The following PPL variants were observed in gnomAD, a reference collection of about 807,000 sequenced individuals.
PPL encodes the protein periplakin, also known as 190 kDa paraneoplastic pemphigus antigen.
PPL carries 198 observed loss-of-function variants against 194.4 expected under a neutral mutation model. The ratio of observed to expected loss-of-function variants is 1.02; its 90% CI spans 0.91 to 1.15. The LOEUF (loss-of-function observed/expected upper bound fraction) is 1.15, where lower values mean the gene tolerates loss of function less well. PPL is among the 50% of genes most tolerant of loss of function. The pLI is 0.00. For missense variants in PPL, 2,885 were observed against 2,294.8 expected (o/e 1.26, Z -5.25); for synonymous variants, 1,220 against 972.4 (o/e 1.25, Z -4.74).
intron 1 of PPL, among the ~76,000 whole-genome samples, chr16:4,932,848 C>T (rs893827500): frequency 2.0e-5 from 3 of 152,132 alleles, no homozygotes; most frequent in East Asian, 3.9e-4. Context: ...CCAGCAGCCT[C>T]ACCAACTGGG....
chr16:4,887,678 C>G (rs186981768), intron 20 of PPL, among the ~76,000 whole-genome samples: 154 of 152,266 alleles, frequency 1.0e-3, no homozygotes, highest in African/African-American at 3.2e-3. Context: ...TTGTAGCTCA[C>G]TGCAGCCTTG....
In PPL at chr16:4,893,322, A is replaced by G. The variant is rs764344015; in HGVS notation, c.1541T>C (p.Val514Ala). 9.9e-6 allele frequency: 16 copies of G among 1,608,258 alleles called. No individual in the cohort carries two copies. The East Asian group carries it at 3.6e-4, about 36-fold the overall frequency. ...GRQLLAGLDK[V>A]ASDLDRQEKA... The stretch of plus-strand genomic sequence containing the variant: ...CTCCTGCCGGTCCAGGTCGCTGGCC[A>G]CCTTGTCCAAGCCAGCCAGCAGCTG... The change falls in exon 14 of 22, where the codon GTG becomes GCG. Residue 514 changes from valine (V) to alanine (A), a missense_variant. Val to Ala is a moderately conservative substitution (Grantham distance 64). Transcript: ENST00000345988.
intron 1 of PPL, among the ~76,000 whole-genome samples, chr16:4,929,259 C>G (rs749142930): frequency 6.6e-6 from 1 of 151,906 alleles, no homozygotes; most frequent in Admixed American, 6.6e-5. Flanking sequence ...CCATTTTTGT[C>G]TCCCCATCCA....
chr16:4,884,695 C>T lies in PPL; in HGVS notation c.3960G>A (p.Lys1320=). Residue 1320 remains lysine (K), a synonymous_variant, in exon 22 of 22, where the codon AAG becomes AAA. Transcript: ENST00000345988. This position sits in a 1 kb window ranked among gnomAD's most constrained non-coding sequence, Gnocchi z 5.7. ...SLRAKLSEEQ[K]KQVDLERERA... ...TTTCCCTCTCCAGATCCACTTGTTTCTTCTGCTCCTCTGAGAGCTTTGCCC... is the reference window on the plus strand; with the variant it reads ...TTTCCCTCTCCAGATCCACTTGTTTTTTCTGCTCCTCTGAGAGCTTTGCCC... 6.2e-7 allele frequency: 1 copy of T among 1,614,150 alleles called. No individual in the cohort carries two copies. The highest frequency in any genetic ancestry group is 8.5e-7 in the Non-Finnish European group (1 of 1,180,034).
Position 4,884,932 on chromosome 16 carries a change from G to A in PPL, c.3723C>T (p.Asp1241=). 6.2e-7 allele frequency: 1 copy of A among 1,614,098 alleles called. No homozygotes were observed. The highest frequency in any genetic ancestry group is 8.5e-7 in the Non-Finnish European group (1 of 1,180,026). ...VTKEVIKYKT[D]PEMEKELQRL... is the part of the protein sequence containing the mutation. ...GCTGAAGCTCCTTCTCCATCTCAGG[G>A]TCAGTCTTGTACTTAATGACTTCCT... Residue 1241 remains aspartate, a synonymous_variant, in exon 22 of 22, where the codon GAC becomes GAT. Coordinates refer to ENST00000345988, the MANE Select transcript of PPL (RefSeq NM_002705.5). This position sits in a 1 kb window ranked among gnomAD's most constrained non-coding sequence, Gnocchi z 5.7.
chr16:4,911,083 G>T, intron 1 of PPL, 134 bp from the exon 2 acceptor site: 4 of 630,818 alleles, frequency 6.3e-6, no homozygotes, highest in Admixed American at 2.6e-5. Context: ...CTTTGAGGTA[G>T]TTGGGCTGTT....
intron 14 of PPL, 47 bp from the exon 15 acceptor site, chr16:4,892,260 C>T: frequency 6.3e-7 from 1 of 1,577,004 alleles, no homozygotes; most frequent in Non-Finnish European, 8.6e-7. Context: ...CAGGCAGCCC[C>T]TTCCCCTGAG....
At chr16:4,916,578 T>G (rs2088920871) in intron 1 of PPL, among the ~76,000 whole-genome samples, 1 of 152,044 alleles carries the variant, frequency 6.6e-6, no homozygotes, top group African/African-American at 2.4e-5. Flanking sequence ...CAATCTTAGC[T>G]CACTGCAGCC....
At chr16:4,917,377 T>C (rs1179180150) in intron 1 of PPL, among the ~76,000 whole-genome samples, 1 of 152,146 alleles carries the variant, frequency 6.6e-6, no homozygotes, top group Non-Finnish European at 1.5e-5. Flanking sequence ...ACCTCGAGAA[T>C]GTTATGCTCA....
chr16:4,925,423 C>T (rs947388452), intron 1 of PPL, among the ~76,000 whole-genome samples: 3 of 152,196 alleles, frequency 2.0e-5, no homozygotes, highest in Non-Finnish European at 4.4e-5. Flanking sequence ...GCCCAGCGAC[C>T]GCTCAGTCCT....
intron 6 of PPL, among the ~76,000 whole-genome samples, chr16:4,900,339 A>G (rs1435294652): frequency 6.6e-6 from 1 of 151,740 alleles, no homozygotes; most frequent in Non-Finnish European, 1.5e-5. Flanking sequence ...TTTTCCCTGA[A>G]CAACCAGGGC....
At chr16:4,927,906 G>A (rs1314898746) in intron 1 of PPL, among the ~76,000 whole-genome samples, 2 of 152,182 alleles carry the variant, frequency 1.3e-5, no homozygotes, top group Admixed American at 6.5e-5. Flanking sequence ...CTTGAAGACA[G>A]GGCAACACAG....
At position 4,898,310 on chromosome 16, in the gene PPL, G is replaced by A. The variant is rs58595457; in HGVS notation, c.877-540C>T. Reference sequence around the variant, plus strand: ...GGAGAATTGCTTGAACCCGGGAGGTGGAGGTTGCAGTGAGCCAAGATTACA... The same window carrying A: ...GGAGAATTGCTTGAACCCGGGAGGTAGAGGTTGCAGTGAGCCAAGATTACA... On this transcript the variant is annotated intron_variant, in intron 8 of 21. Coordinates refer to ENST00000345988, the MANE Select transcript of PPL (RefSeq NM_002705.5). Among the ~76,000 whole-genome samples, 1,636 of 152,240 alleles carry A rather than the reference G, an allele frequency of 0.011. 114 individuals carry two copies. In the East Asian group the frequency reaches 0.2, roughly 19 times the overall value.
intron 1 of PPL, among the ~76,000 whole-genome samples, chr16:4,927,570 A>G (rs1321220276): frequency 4.6e-5 from 7 of 152,250 alleles, no homozygotes; most frequent in African/African-American, 1.7e-4. Context: ...CCTGTGAGAA[A>G]GCAGTACACA....
At chr16:4,935,303 G>T (rs185276739) in intron 1 of PPL, among the ~76,000 whole-genome samples, 2 of 152,276 alleles carry the variant, frequency 1.3e-5, no homozygotes, top group South Asian at 2.1e-4. Flanking sequence ...CACGAAGGAG[G>T]GAGGCTGGGA....
At position 4,890,835 on chromosome 16, in the gene PPL, T is replaced by A. The variant is rs1160946982; in HGVS notation, c.2055A>T (p.Thr685=). The stretch of plus-strand genomic sequence containing the variant: ...AGTGCTCCTGGAAGCGGCTGGCCAG[T>A]GTGCTCGAGCACTGCTTGGCCGCCT... ...NLQAAKQCSS[T]LASRFQEHCP... Residue 685 remains threonine (T), a synonymous_variant, in exon 17 of 22, where the codon ACA becomes ACT. Transcript: ENST00000345988. The A allele has an allele frequency of 1.9e-6, 3 of 1,578,070 alleles. No individual in the cohort carries two copies. Among genetic ancestry groups the A allele is most frequent in the Non-Finnish European group, 2.6e-6 (3 of 1,161,982 alleles).
In PPL at chr16:4,904,542, C is replaced by T. The variant is rs188309693; in HGVS notation, c.163-502G>A. Among the ~76,000 whole-genome samples the T allele has an allele frequency of 2.6e-5, 4 of 152,240 alleles. No homozygotes were observed. The East Asian group carries it at 7.7e-4, about 29-fold the overall frequency. On this transcript the variant is annotated intron_variant, in intron 2 of 21. Coordinates refer to ENST00000345988, the MANE Select transcript of PPL (RefSeq NM_002705.5). ...CAGGGAAGCCTCTTCGTGGTGGAGA[C>T]ACAAGCTAAGAACAAAGGATGAAAG... is the stretch of plus-strand genomic sequence containing the variant.
Position 4,890,710 on chromosome 16 carries a change from C to T in PPL, c.2162+18G>A. 6 of 1,586,990 alleles carry T rather than the reference C, an allele frequency of 3.8e-6. No individual in the cohort carries two copies. Among genetic ancestry groups the T allele is most frequent in the Non-Finnish European group, 5.1e-6 (6 of 1,167,538 alleles). On this transcript the variant is annotated intron_variant, in intron 17 of 21. Coordinates refer to ENST00000345988, the MANE Select transcript of PPL (RefSeq NM_002705.5). The stretch of plus-strand genomic sequence containing the variant: ...ATTCTCAGAAAACAAAAATGGCCAC[C>T]ACCCACCGCACCCTCACCTGCGTTC...
intron 6 of PPL, among the ~76,000 whole-genome samples, chr16:4,899,901 G>A (rs1307078910): frequency 1.3e-5 from 2 of 152,226 alleles, no homozygotes; most frequent in African/African-American, 4.8e-5. Context: ...GCAAGGGAAA[G>A]GAGGGATGTT....
Sources: gnomAD v4.1 joint callset for allele counts (sites outside exome capture counted in the v4.1 genomes callset) on GRCh38, gnomAD v4.1.1 for gene constraint, Gnocchi (gnomAD v3.1) non-coding constraint, MANE v1.5 for transcripts, NCBI Gene and HGNC (gene_info 2026-07-23, HGNC 2026-07-21) for gene names.